RPGRIP1: variants seen among roughly 807,000 people sequenced by gnomAD.
The protein encoded by RPGRIP1 is X-linked retinitis pigmentosa GTPase regulator-interacting protein 1.
RPGRIP1 carries 128 observed loss-of-function variants against 157.9 expected under a neutral mutation model. The ratio of observed to expected loss-of-function variants is 0.81; its 90% CI spans 0.70 to 0.94. The LOEUF is 0.94. RPGRIP1 is among the 40% of genes least tolerant of loss of function. RPGRIP1 has a pLI of 0.00. For missense variants in RPGRIP1, 1,486 were observed against 1,545.8 expected (o/e 0.96, Z 0.65); for synonymous variants, 554 against 571.6 (o/e 0.97, Z 0.44).
Position 21,324,730 on chromosome 14 carries a change from G to T in RPGRIP1, c.1875G>T (p.Glu625Asp). The change falls in exon 15 of 25, where the codon GAG (glutamate) becomes GAT (aspartate). Residue 625 changes from glutamate to aspartate, a missense_variant. Transcript: ENST00000400017. ...KVDISLLHQG[E>D]NLFELHIHQA... ...ATATTTCTCTGCTGCATCAGGGTGA[G>T]AATCTTTTTGAACTGCACATCCACC... 1 of 1,614,050 alleles carries T rather than the reference G, an allele frequency of 6.2e-7. No homozygotes were observed. The highest frequency in any genetic ancestry group is 1.7e-5 in the Admixed American group (1 of 60,020).
intron 21 of RPGRIP1, among the ~76,000 whole-genome samples, chr14:21,335,959 T>C (rs1884320280): frequency 6.6e-6 from 1 of 152,178 alleles, no homozygotes; most frequent in Non-Finnish European, 1.5e-5. Context: ...ATTTGTTGAG[T>C]GAGTGACTGA....
At chr14:21,312,597 G>A (rs1881586439) in intron 10 of RPGRIP1, 91 bp downstream of exon 10, 4 of 705,498 alleles carry the variant, frequency 5.7e-6, no homozygotes, top group Non-Finnish European at 9.4e-6. Flanking sequence ...TAAATATATG[G>A]GGAAATTGGT....
chr14:21,315,292 G>A (rs566709048), intron 10 of RPGRIP1, among the ~76,000 whole-genome samples: 1 of 151,940 alleles, frequency 6.6e-6, no homozygotes, highest in Non-Finnish European at 1.5e-5. Flanking sequence ...TGGATCACGA[G>A]GTCAGGAGAT....
Position 21,351,248 on chromosome 14 carries a change from C to G in RPGRIP1, c.*32C>G. 1 of 1,335,558 alleles carries G rather than the reference C, an allele frequency of 7.5e-7. No individual in the cohort carries two copies. Among genetic ancestry groups the G allele is most frequent in the Non-Finnish European group, 1.1e-6 (1 of 941,176 alleles). The allele number at this position is 1,335,558 out of a possible 1,614,324, so 82.7% of individuals were successfully genotyped here. A position where few individuals can be genotyped will look rare whatever the true frequency, so the allele number is the denominator to read the frequency against. ...AAGTGCTATTCCAATCTAAAAGTCT[C>G]TGAGGGAACCATAGTAAAAAGTCTC... On this transcript the variant is annotated 3_prime_UTR_variant, in exon 25 of 25. Coordinates refer to ENST00000400017, the MANE Select transcript of RPGRIP1 (RefSeq NM_020366.4).
rs763761321 is a variant in RPGRIP1 at position 21,303,500 on chromosome 14, C to G, written c.757C>G (p.Gln253Glu). 1.2e-6 allele frequency: 2 copies of G among 1,613,794 alleles called. No individual in the cohort carries two copies. The highest frequency in any genetic ancestry group is 1.1e-5 in the South Asian group (1 of 91,088). ...GTGGCCTAAAGATGAAAATTTTGAA[C>G]AGAGAAGCTCATTGGAGTGTGCTCA... Reference protein sequence around the residue: ...KMWPKDENFEQRSSLECAQKA... With the variant: ...KMWPKDENFEERSSLECAQKA... Residue 253 changes from glutamine (Q) to glutamate (E), a missense_variant, in exon 6 of 25, where the codon CAG (glutamine) becomes GAG (glutamate). Physicochemically the swap from Gln to Glu is conservative, Grantham distance 29. Coordinates refer to ENST00000400017, the MANE Select transcript of RPGRIP1 (RefSeq NM_020366.4).
intron 23 of RPGRIP1, among the ~76,000 whole-genome samples, chr14:21,346,944 C>T (rs989571042): frequency 6.6e-6 from 1 of 152,270 alleles, no homozygotes; most frequent in Admixed American, 6.5e-5. Context: ...ATGAAATAAA[C>T]AGTGACTCTG....
intron 24 of RPGRIP1, among the ~76,000 whole-genome samples, chr14:21,350,451 G>A (rs1886127676): frequency 1.3e-5 from 2 of 151,372 alleles, no homozygotes; most frequent in South Asian, 4.2e-4. Context: ...CTTGTTTTAT[G>A]TATTGTTTAA....
intron 8 of RPGRIP1, among the ~76,000 whole-genome samples, chr14:21,311,316 C>T (rs1052838916): frequency 3.9e-5 from 6 of 152,176 alleles, no homozygotes; most frequent in Non-Finnish European, 7.3e-5. Context: ...CTTGGGGAGG[C>T]GGAGGCGGGT....
At chr14:21,341,978 A>G (rs1255485111) in intron 21 of RPGRIP1, among the ~76,000 whole-genome samples, 2 of 151,668 alleles carry the variant, frequency 1.3e-5, no homozygotes, top group African/African-American at 4.8e-5. Context: ...GGAACCCGGG[A>G]AGAAGAGCTT....
chr14:21,343,149 A>G lies in RPGRIP1; in HGVS notation c.3453A>G (p.Leu1151=). ...QVYVEYKFYD[L]PLSETETPVS... is the part of the protein sequence containing the mutation. The stretch of plus-strand genomic sequence containing the variant: ...ATGTGGAGTACAAATTCTACGACCT[A>G]CCCTTGTCGGAGACAGAGACTCCAG... Residue 1151 remains leucine, a synonymous_variant, in exon 22 of 25, where the codon CTA becomes CTG. Coordinates refer to ENST00000400017, the MANE Select transcript of RPGRIP1 (RefSeq NM_020366.4). 9 of 1,613,624 alleles carry G rather than the reference A, an allele frequency of 5.6e-6. No homozygotes were observed. Among genetic ancestry groups the G allele is most frequent in the Non-Finnish European group, 6.8e-6 (8 of 1,179,658 alleles).
chr14:21,297,179 C>T (rs1038676674), intron 3 of RPGRIP1, among the ~76,000 whole-genome samples: 9 of 152,002 alleles, frequency 5.9e-5, no homozygotes, highest in Admixed American at 4.6e-4. Context: ...CCGGCAATCT[C>T]TGCCTCCCGG....
At chr14:21,322,663 T>A (rs1437647918) in intron 14 of RPGRIP1, among the ~76,000 whole-genome samples, 1 of 152,114 alleles carries the variant, frequency 6.6e-6, no homozygotes, top group Non-Finnish European at 1.5e-5. Context: ...CTTGCTCCTC[T>A]CCCCTGTCCC....
At chr14:21,350,498 T>C (rs1886136180) in intron 24 of RPGRIP1, among the ~76,000 whole-genome samples, 2 of 152,186 alleles carry the variant, frequency 1.3e-5, no homozygotes, top group Non-Finnish European at 2.9e-5. Context: ...CTGATCATTA[T>C]AAACATTTTT....
intron 3 of RPGRIP1, among the ~76,000 whole-genome samples, chr14:21,298,087 G>A (rs935424796): frequency 5.9e-5 from 9 of 152,030 alleles, no homozygotes; most frequent in Non-Finnish European, 1.2e-4. Context: ...TATTTTGTGG[G>A]TGGCAGTGAC....
chr14:21,284,067 C>T (rs1007422286), intron 1 of RPGRIP1, among the ~76,000 whole-genome samples: 7 of 152,132 alleles, frequency 4.6e-5, no homozygotes, highest in Non-Finnish European at 7.4e-5. Context: ...AAGATGCTCT[C>T]CATTTATTGT....
chr14:21,318,086 A>C lies in RPGRIP1; in HGVS notation c.1306+236A>C, dbSNP rs147759079. 104 of 670,484 alleles carry C rather than the reference A, an allele frequency of 1.6e-4. No homozygotes were observed. The East Asian group carries it at 2.9e-3, about 19-fold the overall frequency. 41.5% of individuals were successfully genotyped at this position (670,484 alleles called of 1,614,324 possible). ...ATATAATGTCTTTCCATTTGAGAAGATGCTAGTTTTTGTTTGTTTGTTTGT... is the reference window on the plus strand; with the variant it reads ...ATATAATGTCTTTCCATTTGAGAAGCTGCTAGTTTTTGTTTGTTTGTTTGT... On this transcript the variant is annotated intron_variant, in intron 11 of 24. Transcript: ENST00000400017.
rs1566376913 is a variant in RPGRIP1 at position 21,351,206 on chromosome 14, T to G, written c.3851T>G (p.Leu1284Trp). ...ATTTACAAGGAGATGACTGAAGATT[T>G]GTTTTCATGAAGGAACAAGTGCTAT... ...HAIYKEMTEDLFS is the reference protein window; with the variant it reads ...HAIYKEMTEDWFS The change falls in exon 25 of 25, where the codon TTG becomes TGG. Residue 1284 changes from leucine to tryptophan, a missense_variant. Physicochemically the swap from Leu to Trp is moderately conservative, Grantham distance 61 (BLOSUM62 -2). Transcript: ENST00000400017. 6.3e-7 allele frequency: 1 copy of G among 1,598,508 alleles called. No homozygotes were observed. Among genetic ancestry groups the G allele is most frequent in the African/African-American group, 1.3e-5 (1 of 74,798 alleles).
At chr14:21,331,411 A>T (rs1393281119) in intron 20 of RPGRIP1, among the ~76,000 whole-genome samples, 1 of 152,006 alleles carries the variant, frequency 6.6e-6, no homozygotes, top group Admixed American at 6.6e-5. Context: ...AGTCCCAGCT[A>T]CTGGGGAGGC....
Position 21,307,179 on chromosome 14 carries a change from C to G in RPGRIP1, c.801-552C>G, listed in dbSNP as rs376878242. 2.6e-3 allele frequency among the ~76,000 whole-genome samples: 395 copies of G among 152,232 alleles called. 2 individuals are homozygous for G. The highest frequency in any genetic ancestry group is 8.9e-3 in the African/African-American group (368 of 41,534). ...TTCAAGCGATTCTCTTGCCCAGTGT[C>G]CATAGCTGGGATGACAGGCTTATGC... On this transcript the variant is annotated intron_variant, in intron 6 of 24. Transcript: ENST00000400017.
Sources: gnomAD v4.1 joint callset for allele counts (sites outside exome capture counted in the v4.1 genomes callset) on GRCh38, gnomAD v4.1.1 for gene constraint, MANE v1.5 for transcripts, NCBI Gene and HGNC (gene_info 2026-07-23, HGNC 2026-07-21) for gene names.